Variants in DAB1 observed in about 807,000 individuals in gnomAD.
The protein encoded by DAB1 is disabled homolog 1.
DAB1 carries 15 observed loss-of-function variants against 64.6 expected under a neutral mutation model. The ratio of observed to expected loss-of-function variants is 0.23; its 90% CI spans 0.16 to 0.36. The LOEUF (loss-of-function observed/expected upper bound fraction) is 0.36, where lower values mean the gene tolerates loss of function less well. DAB1 is among the 10% of genes least tolerant of loss of function. DAB1 has a pLI of 1.00. For missense variants in DAB1, 596 were observed against 706.7 expected (o/e 0.84, Z 1.78); for synonymous variants, 235 against 251.9 (o/e 0.93, Z 0.64).
At chr1:57,833,741 C>T (rs752055825) in intron 1 of DAB1, among the ~76,000 whole-genome samples, 3 of 152,086 alleles carry the variant, frequency 2.0e-5, no homozygotes, top group Non-Finnish European at 2.9e-5. Flanking sequence ...CTAGCCTACC[C>T]TAACTGCATG....
intron 9 of DAB1, among the ~76,000 whole-genome samples, chr1:57,051,168 A>G (rs776208775): frequency 2.0e-5 from 3 of 152,250 alleles, no homozygotes; most frequent in Non-Finnish European, 4.4e-5. Context: ...TCTAAGAAAC[A>G]TCAAAAGGGA....
rs545133539 is a variant in DAB1, at chr1:56,999,313, A to G, written c.*16-1185T>C. Among the ~76,000 whole-genome samples, 15 of 152,324 alleles carry G rather than the reference A, an allele frequency of 9.8e-5. 1 individual carries two copies. In the South Asian group the frequency reaches 1.5e-3, roughly 15 times the overall value. On this transcript the variant is annotated intron_variant, in intron 14 of 14. Coordinates refer to ENST00000371236, the MANE Select transcript of DAB1 (RefSeq NM_001365792.1). ...GAAGTTAGATAATTTGCCCATGGTC[A>G]CACAGCTAGTAAGTCTAGAGACATG...
Position 57,158,392 on chromosome 1 carries a change from T to C in DAB1, c.68-12963A>G, listed in dbSNP as rs558123556. Among the ~76,000 whole-genome samples, 5 of 152,304 alleles carry C rather than the reference T, an allele frequency of 3.3e-5. 1 individual carries two copies. The South Asian group carries it at 6.2e-4, about 19-fold the overall frequency. On this transcript the variant is annotated intron_variant, in intron 2 of 14. Coordinates refer to ENST00000371236, the MANE Select transcript of DAB1 (RefSeq NM_001365792.1). The stretch of plus-strand genomic sequence containing the variant: ...CCCGAAGGCAATAGGGAGATCACCT[T>C]GTAAATTATTAACACAGAGAGATTC...
At position 58,429,078 on chromosome 1, in the gene DAB1, G is replaced by A. The variant is rs571644236; in HGVS notation, n.257+76982C>T. Among the ~76,000 whole-genome samples, 4 of 152,298 alleles carry A rather than the reference G, an allele frequency of 2.6e-5. No homozygotes were observed. In the East Asian group the frequency reaches 7.7e-4, roughly 29 times the overall value. ...GCACAGTTTACTATATGTGAAATTA[G>A]ACTATATGTAAAAGTATATAGTACA... On this transcript the variant is annotated intron_variant and non_coding_transcript_variant, in intron 3 of 20. Coordinates refer to the DAB1 transcript ENST00000485760.
At chr1:58,225,958 A>T (rs965846063) in intron 4 of DAB1, among the ~76,000 whole-genome samples, 680 of 13,178 alleles carry the variant, frequency 0.052, 13 homozygotes, top group Admixed American at 0.31. Flanking sequence ...CTTAGTATTA[A>T]AAAAAAAAAA....
At chr1:57,617,672 T>G (rs918580002) in intron 7 of DAB1, among the ~76,000 whole-genome samples, 2 of 152,168 alleles carry the variant, frequency 1.3e-5, no homozygotes, top group African/African-American at 4.8e-5. Flanking sequence ...TTTGCTGACA[T>G]TTTATAAAAT....
chr1:58,374,126 G>T (rs150029560), intron 3 of DAB1, among the ~76,000 whole-genome samples: 4 of 81,584 alleles, frequency 4.9e-5, no homozygotes, highest in Non-Finnish European at 1.1e-4. Flanking sequence ...CCGTGTTGTA[G>T]GTTGCCTGTT....
intron 4 of DAB1, among the ~76,000 whole-genome samples, chr1:58,238,720 A>G (rs1660157395): frequency 6.6e-6 from 1 of 152,170 alleles, no homozygotes; most frequent in Non-Finnish European, 1.5e-5. Flanking sequence ...TCTTCAAAGA[A>G]AAAGGATCCA....
intron 3 of DAB1, among the ~76,000 whole-genome samples, chr1:58,432,054 C>T (rs1033130432): frequency 4.6e-5 from 7 of 152,206 alleles, no homozygotes; most frequent in Admixed American, 1.3e-4. Flanking sequence ...ACTCCCCACT[C>T]ATTGCCATGT....
At chr1:57,079,112 G>GA (rs1377975229) in intron 4 of DAB1, among the ~76,000 whole-genome samples, 2 of 151,992 alleles carry the variant, frequency 1.3e-5, no homozygotes, top group Non-Finnish European at 2.9e-5. Context: ...TCCTGTTTTT[G>GA]AAAAAATGTA....
At chr1:57,647,399 C>T (rs72676995) in intron 7 of DAB1, among the ~76,000 whole-genome samples, 37,187 of 152,106 alleles carry the variant, frequency 0.24, 4,904 homozygotes, top group Admixed American at 0.34. Context: ...GGGACTCCCC[C>T]GGAGGCGAAC....
chr1:58,237,807 T>A (rs1040322962), intron 4 of DAB1, among the ~76,000 whole-genome samples: 11 of 152,186 alleles, frequency 7.2e-5, no homozygotes, highest in African/African-American at 2.7e-4. Context: ...GATGACCACT[T>A]TACATGTTAG....
chr1:57,300,192 T>C (rs1673525916), intron 1 of DAB1, among the ~76,000 whole-genome samples: 1 of 152,340 alleles, frequency 6.6e-6, no homozygotes, highest in African/African-American at 2.4e-5. Flanking sequence ...CAAGTAGTTA[T>C]TAAACACCTA....
chr1:57,295,925 A>ATAAT (rs990063114), intron 1 of DAB1, among the ~76,000 whole-genome samples: 39 of 152,294 alleles, frequency 2.6e-4, no homozygotes, highest in African/African-American at 9.4e-4. Flanking sequence ...AATGGGCATC[A>ATAAT]TAAGCACACT....
chr1:58,177,970 C>T (rs1656579810), intron 4 of DAB1, among the ~76,000 whole-genome samples: 1 of 152,192 alleles, frequency 6.6e-6, no homozygotes, highest in South Asian at 2.1e-4. Flanking sequence ...TGAAATGGGT[C>T]ATAAATATGC....
intron 2 of DAB1, among the ~76,000 whole-genome samples, chr1:57,273,899 G>A (rs945004690): frequency 6.6e-6 from 1 of 151,932 alleles, no homozygotes; most frequent in Non-Finnish European, 1.5e-5. Context: ...CTGACCCAGG[G>A]CCAGCGGTGA....
intron 3 of DAB1, among the ~76,000 whole-genome samples, chr1:58,370,626 G>A (rs567371226): frequency 7.9e-5 from 12 of 152,224 alleles, no homozygotes; most frequent in Non-Finnish European, 1.2e-4. Flanking sequence ...TTGGCTCTGT[G>A]TCCTCACCCA....
intron 4 of DAB1, among the ~76,000 whole-genome samples, chr1:58,247,484 C>T (rs1660599225): frequency 6.6e-6 from 1 of 152,178 alleles, no homozygotes; most frequent in Non-Finnish European, 1.5e-5. Flanking sequence ...CCAGCACCAA[C>T]AGCACACCAA....
intron 1 of DAB1, among the ~76,000 whole-genome samples, chr1:57,350,187 T>C (rs1678465086): frequency 6.6e-6 from 1 of 152,196 alleles, no homozygotes; most frequent in African/African-American, 2.4e-5. Flanking sequence ...TCATTTCATC[T>C]TCAAGTGATT....
Sources: gnomAD v4.1 joint callset for allele counts (sites outside exome capture counted in the v4.1 genomes callset) on GRCh38, gnomAD v4.1.1 for gene constraint, MANE v1.5 for transcripts, NCBI Gene and HGNC (gene_info 2026-07-23, HGNC 2026-07-21) for gene names.